The following KMT2A variants were observed in gnomAD, a reference collection of about 807,000 sequenced individuals.
KMT2A encodes the protein histone-lysine N-methyltransferase 2A.
A neutral mutation model predicts 345.3 loss-of-function variants in KMT2A; 16 were observed. The ratio of observed to expected loss-of-function variants is 0.05; its 90% confidence interval spans 0.03 to 0.07. KMT2A has a LOEUF of 0.07. KMT2A is among the 10% of genes least tolerant of loss of function. The pLI is 1.00. For missense variants in KMT2A, 3,272 were observed against 4,841.6 expected, an observed-to-expected ratio of 0.68 and a Z score of 9.62; for synonymous variants, 1,599 against 1,778.6, an observed-to-expected ratio of 0.90 and a Z score of 2.54.
chr11:118,510,570 T>A lies in KMT2A; in HGVS notation c.11071+452T>A, dbSNP rs1336877406. Among the ~76,000 whole-genome samples, 4 of 152,144 alleles carry A rather than the reference T, an allele frequency of 2.6e-5. No individual in the cohort carries two copies. Among genetic ancestry groups the A allele is most frequent in the Non-Finnish European group, 5.9e-5 (4 of 68,024 alleles). On this transcript the variant is annotated intron_variant, in intron 30 of 35. Coordinates refer to ENST00000534358, the MANE Select transcript of KMT2A (RefSeq NM_001197104.2). This position sits in a 1 kb window ranked among gnomAD's most constrained non-coding sequence, Gnocchi z 4.1. ...CTGACCTTCTGAGGTAGCTAAGCCC[T>A]CCCTCTCCCTCCTTTTGAATCTTAC...
chr11:118,473,254 G>T lies in KMT2A; in HGVS notation c.2095G>T (p.Ala699Ser). The T allele has an allele frequency of 6.2e-7, 1 of 1,610,712 alleles. No individual in the cohort carries two copies. Among genetic ancestry groups the T allele is most frequent in the Non-Finnish European group, 8.5e-7 (1 of 1,178,616 alleles). ...GCACAAAAGGAGCCCTCTTCTGAGA[G>T]CTCCAAGATTTACTCCAAGTGAGGC... ...DMHKRSPLLR[A>S]PRFTPSEAHS... is the part of the protein sequence containing the mutation. Residue 699 changes from alanine (A) to serine (S), a missense_variant, in exon 3 of 36, where the codon GCT becomes TCT. Around this residue, in one of 27 missense-constraint regions of KMT2A, gnomAD observed 114 missense variants for 203.2 expected, o/e 0.56. Coordinates refer to ENST00000534358, the MANE Select transcript of KMT2A (RefSeq NM_001197104.2). This position sits in a 1 kb window ranked among gnomAD's most constrained non-coding sequence, Gnocchi z 5.2.
intron 5 of KMT2A, among the ~76,000 whole-genome samples, chr11:118,479,771 A>T (rs1950099231): frequency 6.6e-6 from 1 of 152,216 alleles, no homozygotes; most frequent in South Asian, 2.1e-4. Flanking sequence ...TTATAGCATT[A>T]TAGTGGTAGA....
Position 118,473,124 on chromosome 11 carries a change from A to G in KMT2A, c.1965A>G (p.Pro655=), listed in dbSNP as rs2134265450. Residue 655 remains proline, a synonymous_variant, in exon 3 of 36, where the codon CCA becomes CCG. Transcript: ENST00000534358. The surrounding 1 kb of genome is among the most constrained non-coding windows in gnomAD (Gnocchi z 5.2). The stretch of plus-strand genomic sequence containing the variant: ...TATTTGATAATTTCCGACCCCCTCC[A>G]CTAACTCCCGAGGACGTTGGCTTTG... ...KPIFDNFRPP[P]LTPEDVGFAS... is the part of the protein sequence containing the mutation. 5 of 1,614,074 alleles carry G rather than the reference A, an allele frequency of 3.1e-6. No homozygotes were observed. The highest frequency in any genetic ancestry group is 4.2e-6 in the Non-Finnish European group (5 of 1,180,024).
At chr11:118,445,637 T>C (rs981876442) in intron 1 of KMT2A, among the ~76,000 whole-genome samples, 1 of 152,240 alleles carries the variant, frequency 6.6e-6, no homozygotes, top group African/African-American at 2.4e-5. Context: ...GGGTTGGAAC[T>C]TGAGCAGAAT....
chr11:118,468,859 G>A lies in KMT2A; in HGVS notation c.502+15G>A. ...GTCTCCTTCAGGTACGGCCAATTAA[G>A]TGCATGGTGCCTTTTAAGTTTTGTT... is the stretch of plus-strand genomic sequence containing the variant. On this transcript the variant is annotated intron_variant, in intron 2 of 35. Transcript: ENST00000534358. 6.2e-7 allele frequency: 1 copy of A among 1,605,092 alleles called. No individual in the cohort carries two copies. Among genetic ancestry groups the A allele is most frequent in the East Asian group, 2.2e-5 (1 of 44,810 alleles).
intron 1 of KMT2A, among the ~76,000 whole-genome samples, chr11:118,450,931 C>T (rs1949522941): frequency 6.6e-6 from 1 of 152,144 alleles, no homozygotes; most frequent in South Asian, 2.1e-4. Flanking sequence ...ACTTTTCTTA[C>T]TGATTGAGCA....
At chr11:118,488,585 AC>A in intron 10 of KMT2A, 28 bp from the exon 11 acceptor site, 1 of 1,604,264 alleles carries the variant, frequency 6.2e-7, no homozygotes. Context: ...TATTTGACAT[AC>A]TTCTATCTTC....
Position 118,524,111 on chromosome 11 carries a change from T to A in KMT2A, c.*1939T>A, listed in dbSNP as rs1951030592. 5.4e-6 allele frequency: 1 copy of A among 185,804 alleles called. No homozygotes were observed. Among genetic ancestry groups the A allele is most frequent in the South Asian group, 2.0e-4 (1 of 5,124 alleles). 11.5% of individuals were successfully genotyped at this position (185,804 alleles called of 1,614,324 possible). On this transcript the variant is annotated 3_prime_UTR_variant, in exon 36 of 36. Coordinates refer to ENST00000534358, the MANE Select transcript of KMT2A (RefSeq NM_001197104.2). ...CATCACCATCTGCCTCATAGGCCAC[T>A]CTTTCCTTTCCCTCTGCCCACCAAG...
rs118171488 is a variant in KMT2A, at chr11:118,443,510, T to A, written c.432+6566T>A. 3.5e-3 allele frequency among the ~76,000 whole-genome samples: 526 copies of A among 152,314 alleles called. 4 individuals carry two copies. Among genetic ancestry groups the A allele is most frequent in the Middle Eastern group, 0.02 (6 of 294 alleles). On this transcript the variant is annotated intron_variant, in intron 1 of 35. Coordinates refer to ENST00000534358, the MANE Select transcript of KMT2A (RefSeq NM_001197104.2). ...CATTTGAAAGAAGAATTTTGTTACG[T>A]GATTTGTAATTGTTGTGGATGATAT... is the stretch of plus-strand genomic sequence containing the variant.
chr11:118,460,400 A>C (rs1343780216), intron 1 of KMT2A, among the ~76,000 whole-genome samples: 1 of 150,638 alleles, frequency 6.6e-6, no homozygotes, highest in Non-Finnish European at 1.5e-5. Flanking sequence ...GGATCCTCCT[A>C]CCTCAGCCTC....
chr11:118,439,174 G>GA (rs1169017748), intron 1 of KMT2A: 9 of 324,160 alleles, frequency 2.8e-5, no homozygotes, highest in South Asian at 7.6e-5. Flanking sequence ...AAAAAAAAAA[G>GA]AAAAAAAAGA....
rs1950409917 is a variant in KMT2A at position 118,496,400 on chromosome 11, T to TA, written c.5664+34dup. The stretch of plus-strand genomic sequence containing the variant: ...CTTTGCAACACAGGGCCCTAGTTAA[T>TA]ACATACTCCAAAAGAACTGTTTGTC... On this transcript the variant is annotated intron_variant, in intron 20 of 35. Transcript: ENST00000534358. The surrounding 1 kb of genome is among the most constrained non-coding windows in gnomAD (Gnocchi z 4.7). The TA allele has an allele frequency of 7.1e-7, 1 of 1,412,968 alleles. No individual in the cohort carries two copies. Among genetic ancestry groups the TA allele is most frequent in the Non-Finnish European group, 1.0e-6 (1 of 997,380 alleles). The allele number at this position is 1,412,968 out of a possible 1,614,324, so 87.5% of individuals were successfully genotyped here.
rs1555043905 is a variant in KMT2A, at chr11:118,496,224, A to C, written c.5558-37A>C. ...ACATAGTATTGCCAATTTTAACTGG[A>C]TCTCAAGGTATTGATGGGAGTCTTT... is the stretch of plus-strand genomic sequence containing the variant. On this transcript the variant is annotated intron_variant, in intron 19 of 35. Coordinates refer to ENST00000534358, the MANE Select transcript of KMT2A (RefSeq NM_001197104.2). This position sits in a 1 kb window ranked among gnomAD's most constrained non-coding sequence, Gnocchi z 4.7. The C allele has an allele frequency of 7.0e-7, 1 of 1,428,552 alleles. No individual in the cohort carries two copies. The highest frequency in any genetic ancestry group is 1.2e-5 in the South Asian group (1 of 86,782). 88.5% of individuals were successfully genotyped at this position (1,428,552 alleles called of 1,614,324 possible). A position where few individuals can be genotyped will look rare whatever the true frequency, so the allele number is the denominator to read the frequency against.
chr11:118,483,772 C>T (rs544219331), intron 8 of KMT2A, among the ~76,000 whole-genome samples: 37 of 152,288 alleles, frequency 2.4e-4, no homozygotes, highest in Middle Eastern at 6.8e-3. Flanking sequence ...TGGCTCACAT[C>T]TATAATCCCA....
Position 118,456,416 on chromosome 11 carries a change from G to T in KMT2A, c.433-12359G>T, listed in dbSNP as rs372236307. ...TGCAATGGCGTGACCTTGGTTTACT[G>T]CAACCTCCGCCTCCTGGGCTCAAGC... On this transcript the variant is annotated intron_variant, in intron 1 of 35. Transcript: ENST00000534358. Among the ~76,000 whole-genome samples, 11 of 151,432 alleles carry T rather than the reference G, an allele frequency of 7.3e-5. No individual in the cohort carries two copies. In the East Asian group the frequency reaches 1.8e-3, roughly 24 times the overall value.
At position 118,472,693 on chromosome 11, in the gene KMT2A, C is replaced by G; in HGVS notation, c.1534C>G (p.Pro512Ala). ...GAGCGATACCCCTGAAGTTCATCCT[C>G]CACTGCCCATTTCCCAGTCCCCAGA... Reference protein sequence around the residue: ...ERSDTPEVHPPLPISQSPENE... With the variant: ...ERSDTPEVHPALPISQSPENE... The change falls in exon 3 of 36, where the codon CCA becomes GCA. Residue 512 changes from proline (P) to alanine (A), a missense_variant. This residue lies in a region of KMT2A where 180 missense variants were observed against 190.7 expected (regional missense o/e 0.94). Coordinates refer to ENST00000534358, the MANE Select transcript of KMT2A (RefSeq NM_001197104.2). The G allele has an allele frequency of 6.2e-7, 1 of 1,613,410 alleles. No individual in the cohort carries two copies.
At chr11:118,511,476 G>A (rs1950686708) in intron 30 of KMT2A, among the ~76,000 whole-genome samples, 1 of 152,216 alleles carries the variant, frequency 6.6e-6, no homozygotes, top group Non-Finnish European at 1.5e-5. Context: ...AAAGATCACA[G>A]AATCTTGGGT....
chr11:118,512,974 C>T (rs1278080648), intron 31 of KMT2A, among the ~76,000 whole-genome samples: 3 of 152,174 alleles, frequency 2.0e-5, no homozygotes, highest in African/African-American at 7.2e-5. Context: ...TGCTGTGGCT[C>T]ACACCTGTAA....
intron 6 of KMT2A, among the ~76,000 whole-genome samples, chr11:118,480,716 G>A (rs1950116060): frequency 6.6e-6 from 1 of 152,076 alleles, no homozygotes. Context: ...AGGCTGGGGT[G>A]CAGTAGCATG....
Sources: gnomAD v4.1 joint callset for allele counts (sites outside exome capture counted in the v4.1 genomes callset) on GRCh38, gnomAD v4.1.1 for gene constraint, gnomAD v4.1.1 regional missense constraint, Gnocchi (gnomAD v3.1) non-coding constraint, MANE v1.5 for transcripts, NCBI Gene and HGNC (gene_info 2026-07-23, HGNC 2026-07-21) for gene names.